Variants in HYAL4 observed in about 807,000 individuals in gnomAD.
HYAL4 encodes hyaluronidase-4.
In HYAL4, 37 loss-of-function variants were observed where a neutral mutation model predicts 35.2. That is an observed-to-expected ratio of 1.05 (90% CI 0.81 to 1.38). HYAL4 has a LOEUF of 1.38. HYAL4 is among the 40% of genes most tolerant of loss of function. The probability of loss-of-function intolerance (pLI) is 0.00; values close to 1 mark genes in which losing one functional copy is unlikely to be tolerated. For missense variants in HYAL4, 572 were observed against 572.4 expected, an observed-to-expected ratio of 1.00 and a Z score of 0.01; for synonymous variants, 198 against 203.2, an observed-to-expected ratio of 0.97 and a Z score of 0.22.
the HYAL4 span, chr7:123,814,025 T>C: frequency 6.6e-6 from 1 of 152,216 alleles, no homozygotes; most frequent in East Asian, 1.9e-4. Flanking sequence ...TATTTTAAAA[T>C]ATTTGGTCTA....
rs187416553 is a variant in HYAL4 at position 123,869,039 on chromosome 7, G to A, written c.766G>A (p.Ala256Thr). The A allele has an allele frequency of 1.4e-5, 22 of 1,614,228 alleles. No individual in the cohort carries two copies. In the African/African-American group the frequency reaches 2.7e-4, roughly 20 times the overall value. ...NELSWLWNSS[A>T]ALYPSIGVWK... The stretch of plus-strand genomic sequence containing the variant: ...GCTCTCTTGGCTCTGGAACAGCAGT[G>A]CTGCTTTATATCCTTCTATCGGTGT... Residue 256 changes from alanine (A) to threonine (T), a missense_variant, in exon 3 of 5, where the codon GCT becomes ACT. Transcript: ENST00000223026.
At chr7:123,862,060 G>A (rs1806587133) in intron 2 of HYAL4, among the ~76,000 whole-genome samples, 1 of 152,064 alleles carries the variant, frequency 6.6e-6, no homozygotes, top group African/African-American at 2.4e-5. Flanking sequence ...GTTCATCAGA[G>A]AAAAAAATAG....
At chr7:123,832,269 G>T (rs928168898) in intron 1 of HYAL4, among the ~76,000 whole-genome samples, 6 of 151,808 alleles carry the variant, frequency 4.0e-5, no homozygotes, top group African/African-American at 1.5e-4. Flanking sequence ...AAGTAACTCT[G>T]TTTTTCTTTC....
At chr7:123,808,019 C>T in the HYAL4 span, among the ~76,000 whole-genome samples, 1 of 150,804 alleles carries the variant, frequency 6.6e-6, no homozygotes, top group Non-Finnish European at 1.5e-5. Flanking sequence ...AAACAATACT[C>T]CCACCTCGGC....
At chr7:123,872,195 T>A (rs538603079) in intron 3 of HYAL4, among the ~76,000 whole-genome samples, 1 of 152,192 alleles carries the variant, frequency 6.6e-6, no homozygotes, top group Non-Finnish European at 1.5e-5. Flanking sequence ...TGTCTATTAT[T>A]GCACTCTGTA....
At chr7:123,787,606 C>G in the HYAL4 span, among the ~76,000 whole-genome samples, 1 of 152,174 alleles carries the variant, frequency 6.6e-6, no homozygotes, top group Non-Finnish European at 1.5e-5. Flanking sequence ...AGTCCCTACC[C>G]GCCTTAGGAA....
At chr7:123,836,943 G>A (rs1805974641) in intron 1 of HYAL4, among the ~76,000 whole-genome samples, 1 of 151,920 alleles carries the variant, frequency 6.6e-6, no homozygotes, top group South Asian at 2.1e-4. Context: ...CAGGAGAATC[G>A]CTTGAATCCT....
At chr7:123,814,128 AACC>A in the HYAL4 span, 7 of 152,412 alleles carry the variant, frequency 4.6e-5, no homozygotes, top group African/African-American at 7.2e-5. Context: ...TAATGCTGAA[AACC>A]TCAAGCCATG....
At chr7:123,875,944 T>C (rs1346955187) in intron 4 of HYAL4, 1 of 446,782 alleles carries the variant, frequency 2.2e-6, no homozygotes, top group Non-Finnish European at 4.5e-6. Flanking sequence ...GCTACTGAGA[T>C]AGTGTTCATG....
intron 2 of HYAL4, among the ~76,000 whole-genome samples, chr7:123,862,877 T>G (rs1157592025): frequency 1.3e-5 from 2 of 152,340 alleles, no homozygotes; most frequent in East Asian, 3.9e-4. Flanking sequence ...CCATCTCATT[T>G]ACAGTGAAAG....
chr7:123,840,161 G>T (rs879454670), upstream of HYAL4, among the ~76,000 whole-genome samples: 1 of 152,040 alleles, frequency 6.6e-6, no homozygotes, highest in East Asian at 1.9e-4. Context: ...TTTAATTTTT[G>T]TATAAGGTAT....
At chr7:123,790,969 T>A in the HYAL4 span, among the ~76,000 whole-genome samples, 1 of 152,148 alleles carries the variant, frequency 6.6e-6, no homozygotes. Flanking sequence ...TTTGCCATGT[T>A]AGCCAGGCTG....
At chr7:123,764,466 A>C in the HYAL4 span, among the ~76,000 whole-genome samples, 1 of 152,210 alleles carries the variant, frequency 6.6e-6, no homozygotes, top group African/African-American at 2.4e-5. Flanking sequence ...TGACATTTAC[A>C]ATTACATGTC....
the HYAL4 span, among the ~76,000 whole-genome samples, chr7:123,769,099 A>G: frequency 6.6e-6 from 1 of 152,256 alleles, no homozygotes; most frequent in South Asian, 2.1e-4. Flanking sequence ...GAGAAACACA[A>G]GTGAGTTCAT....
the HYAL4 span, among the ~76,000 whole-genome samples, chr7:123,771,815 T>C: frequency 2.0e-5 from 3 of 151,516 alleles, no homozygotes; most frequent in African/African-American, 7.3e-5. Flanking sequence ...TTTTTTTTTT[T>C]TTTTTTAACT....
At chr7:123,856,234 G>T (rs1344339886) in intron 2 of HYAL4, among the ~76,000 whole-genome samples, 1 of 151,892 alleles carries the variant, frequency 6.6e-6, no homozygotes, top group Non-Finnish European at 1.5e-5. Flanking sequence ...ATCCAGTTTT[G>T]TTCCCTTGCT....
upstream of HYAL4, among the ~76,000 whole-genome samples, chr7:123,840,925 A>G (rs576817958): frequency 1.3e-4 from 20 of 152,160 alleles, no homozygotes; most frequent in Non-Finnish European, 2.6e-4. Flanking sequence ...CAATCATGTC[A>G]TCTACAAACA....
chr7:123,873,752 A>G (rs1036331954), intron 3 of HYAL4, among the ~76,000 whole-genome samples: 1 of 152,228 alleles, frequency 6.6e-6, no homozygotes, highest in Non-Finnish European at 1.5e-5. Flanking sequence ...TTTAAACATT[A>G]AAACAATAAC....
the HYAL4 span, among the ~76,000 whole-genome samples, chr7:123,783,186 G>A: frequency 9.2e-5 from 14 of 152,046 alleles, no homozygotes; most frequent in African/African-American, 1.9e-4. Context: ...CATCCCATGC[G>A]TCCTACACAT....
Sources: gnomAD v4.1 joint callset for allele counts (sites outside exome capture counted in the v4.1 genomes callset) on GRCh38, gnomAD v4.1.1 for gene constraint, MANE v1.5 for transcripts, NCBI Gene and HGNC (gene_info 2026-07-23, HGNC 2026-07-21) for gene names.